Variants in SMAD2 observed in about 807,000 individuals in gnomAD.
SMAD2 encodes the protein SMAD family member 2, also known as MAD homolog 2.
Under a neutral mutation model 64.4 loss-of-function variants are expected in SMAD2, and 8 were observed. The observed-to-expected ratio is 0.12, with a 90% CI of 0.07 to 0.22. The LOEUF is 0.22. Among genes scored for constraint, SMAD2 ranks in the 10% least tolerant of loss-of-function variants. SMAD2 has a pLI of 1.00. For synonymous variants in SMAD2, 203 were observed against 195.8 expected (o/e 1.04, Z -0.31); for missense variants, 289 against 561.2 (o/e 0.51, Z 4.90).
At chr18:47,892,883 T>C (rs2033264578) in intron 2 of SMAD2, among the ~76,000 whole-genome samples, 1 of 152,224 alleles carries the variant, frequency 6.6e-6, no homozygotes, top group Non-Finnish European at 1.5e-5. Context: ...TGCATTCCTA[T>C]ACATTTATGT....
At chr18:47,862,888 A>G (rs2031288235) in intron 6 of SMAD2, among the ~76,000 whole-genome samples, 1 of 152,198 alleles carries the variant, frequency 6.6e-6, no homozygotes, top group Non-Finnish European at 1.5e-5. Context: ...ATACAATACT[A>G]CAAAGGTTAA....
At chr18:47,845,313 T>C in intron 10 of SMAD2, 27 bp downstream of exon 10, 1 of 1,606,536 alleles carries the variant, frequency 6.2e-7, no homozygotes, top group Non-Finnish European at 8.5e-7. Flanking sequence ...ACTGTGGAAA[T>C]TTAAGAACCA....
chr18:47,869,498 G>A (rs2144380536), intron 3 of SMAD2, 62 bp from the exon 4 acceptor site: 1 of 1,079,866 alleles, frequency 9.3e-7, no homozygotes, highest in Non-Finnish European at 1.4e-6. Context: ...AAAAAGTGCA[G>A]TCAAATGGGC....
chr18:47,922,691 C>T (rs35290186), intron 1 of SMAD2: 12 of 152,130 alleles, frequency 7.9e-5, no homozygotes, highest in Non-Finnish European at 1.6e-4. Context: ...GCATCAATGA[C>T]CTGGAATTGT....
intron 1 of SMAD2, among the ~76,000 whole-genome samples, chr18:47,918,443 CAACA>C (rs1004845752): frequency 6.6e-6 from 1 of 152,104 alleles, no homozygotes; most frequent in African/African-American, 2.4e-5. Context: ...GGGAGTTTAC[CAACA>C]AACAGCCTGC....
At chr18:47,843,456 C>T (rs562133427) in intron 10 of SMAD2, among the ~76,000 whole-genome samples, 2 of 152,290 alleles carry the variant, frequency 1.3e-5, no homozygotes, top group South Asian at 4.2e-4. Context: ...TTTAAGAAGG[C>T]TGCCACTCGA....
In SMAD2 at chr18:47,837,481, GA is replaced by G. The variant is rs1913520332; in HGVS notation, c.*4345del. On this transcript the variant is annotated 3_prime_UTR_variant, in exon 11 of 11. Transcript: ENST00000262160. ...GGAGGCTGAGGCAGAAGCATGGCGT[GA>G]ACCCGGGAGGCGGAGCTTGCAGTGA... is the stretch of plus-strand genomic sequence containing the variant. 2 of 202,840 alleles carry G rather than the reference GA, an allele frequency of 9.9e-6. No individual in the cohort carries two copies. The highest frequency in any genetic ancestry group is 1.5e-4 in the East Asian group (2 of 13,026). 12.6% of individuals were successfully genotyped at this position (202,840 alleles called of 1,614,324 possible).
At position 47,821,669 on chromosome 18, in the gene SMAD2, C is replaced by G. The variant is rs1912580847; in HGVS notation, c.*20158G>C. The G allele has an allele frequency of 6.6e-6, 1 of 152,184 alleles. No individual in the cohort carries two copies. Among genetic ancestry groups the G allele is most frequent in the Non-Finnish European group, 1.5e-5 (1 of 68,048 alleles). 9.4% of individuals were successfully genotyped at this position (152,184 alleles called of 1,614,324 possible). A position where few individuals can be genotyped will look rare whatever the true frequency, so the allele number is the denominator to read the frequency against. ...CAAATAGGCTTCCCATAAGTAAAGG[C>G]AGTCACACTGCAAGAGATTTTTCTT... On this transcript the variant is annotated 3_prime_UTR_variant, in exon 11 of 11. Coordinates refer to ENST00000262160, the MANE Select transcript of SMAD2 (RefSeq NM_005901.6).
chr18:47,900,498 C>A (rs777731024), intron 1 of SMAD2, among the ~76,000 whole-genome samples: 5 of 152,138 alleles, frequency 3.3e-5, no homozygotes, highest in Admixed American at 6.6e-5. Context: ...CTCTCTCCCC[C>A]TCCCCATCCT....
chr18:47,852,675 G>A (rs116574991), intron 6 of SMAD2, among the ~76,000 whole-genome samples: 3,990 of 152,204 alleles, frequency 0.026, 170 homozygotes, highest in African/African-American at 0.091. Flanking sequence ...ATTCTATGAA[G>A]GGTGACTTGT....
In SMAD2 at chr18:47,839,769, C is replaced by T. The variant is rs72661151; in HGVS notation, c.*2058G>A. 3,587 of 233,170 alleles carry T rather than the reference C, an allele frequency of 0.015. 44 individuals are homozygous for T. The highest frequency in any genetic ancestry group is 0.021 in the Non-Finnish European group (2,534 of 118,026). The allele number at this position is 233,170 out of a possible 1,614,324, so 14.4% of individuals were successfully genotyped here. On this transcript the variant is annotated 3_prime_UTR_variant, in exon 11 of 11. Transcript: ENST00000262160. ...ATCAGGAGTTTCCTTTAGTGTGAAC[C>T]TTTTTGCATTTGATGCTATTCTCTT...
intron 1 of SMAD2, among the ~76,000 whole-genome samples, chr18:47,906,992 T>C (rs2033931824): frequency 6.6e-6 from 1 of 152,192 alleles, no homozygotes; most frequent in African/African-American, 2.4e-5. Flanking sequence ...TCTCTTGCCA[T>C]ATAAAACAAC....
intron 1 of SMAD2, among the ~76,000 whole-genome samples, chr18:47,916,410 A>G (rs201576164): frequency 9.6e-5 from 13 of 135,374 alleles, no homozygotes; most frequent in South Asian, 2.5e-4. Flanking sequence ...TTATTTATTT[A>G]TTTTGTTTTG....
rs1455803977 is a variant in SMAD2, at chr18:47,817,031, G to A, written c.*24796C>T. The A allele has an allele frequency of 6.6e-6, 1 of 152,176 alleles. No homozygotes were observed. Among genetic ancestry groups the A allele is most frequent in the Non-Finnish European group, 1.5e-5 (1 of 68,058 alleles). 9.4% of individuals were successfully genotyped at this position (152,176 alleles called of 1,614,324 possible). On this transcript the variant is annotated 3_prime_UTR_variant, in exon 11 of 11. Transcript: ENST00000262160. ...CCACCTCAGCCTCCCAAAGTGCTGG[G>A]ATTACAGGCATAAGCCACCGCGCAC...
At chr18:47,896,852 C>T (rs546754775) in intron 1 of SMAD2, 43 bp from the exon 2 acceptor site, 1 of 1,507,582 alleles carries the variant, frequency 6.6e-7, no homozygotes, top group Non-Finnish European at 9.0e-7. Flanking sequence ...CTACCTTGAA[C>T]ATCAAGTAAT....
At chr18:47,923,814 G>A (rs2034655713) in intron 1 of SMAD2, among the ~76,000 whole-genome samples, 1 of 152,168 alleles carries the variant, frequency 6.6e-6, no homozygotes, top group Non-Finnish European at 1.5e-5. Flanking sequence ...CATGTTTTAA[G>A]TCTGACTACT....
At chr18:47,876,398 T>C (rs1318433067) in intron 2 of SMAD2, among the ~76,000 whole-genome samples, 2 of 152,068 alleles carry the variant, frequency 1.3e-5, no homozygotes, top group Admixed American at 6.6e-5. Flanking sequence ...CCTGCATCAA[T>C]ATACAGATGA....
intron 1 of SMAD2, among the ~76,000 whole-genome samples, chr18:47,927,735 A>G (rs954512640): frequency 6.6e-6 from 1 of 152,238 alleles, no homozygotes; most frequent in East Asian, 1.9e-4. Flanking sequence ...CCCCGTCTCT[A>G]CTAAAAATAC....
intron 2 of SMAD2, among the ~76,000 whole-genome samples, chr18:47,870,973 A>G (rs1169147128): frequency 6.6e-6 from 1 of 152,214 alleles, no homozygotes; most frequent in Non-Finnish European, 1.5e-5. Flanking sequence ...ATAGAAAAAA[A>G]TCCCAATAAA....
Sources: allele counts gnomAD v4.1 joint callset (sites outside exome capture counted in the v4.1 genomes callset), GRCh38; gene constraint gnomAD v4.1.1; transcripts MANE v1.5; gene names NCBI Gene and HGNC (gene_info 2026-07-23, HGNC 2026-07-21).